AIG1: variants seen among roughly 807,000 people sequenced by gnomAD.
AIG1 encodes the protein androgen induced 1, also known as androgen-induced gene 1 protein.
A neutral mutation model predicts 31.4 loss-of-function variants in AIG1; 23 were observed. The ratio of observed to expected loss-of-function variants is 0.73; its 90% CI spans 0.53 to 1.04. The LOEUF (loss-of-function observed/expected upper bound fraction) is 1.04, where lower values mean the gene tolerates loss of function less well. Among genes scored for constraint, AIG1 ranks in the 50% least tolerant of loss-of-function variants. The probability of loss-of-function intolerance (pLI) is 0.00; values close to 1 mark genes in which losing one functional copy is unlikely to be tolerated. For missense variants in AIG1, 274 were observed against 295.0 expected (o/e 0.93, Z 0.52); for synonymous variants, 100 against 110.5 (o/e 0.90, Z 0.60).
intron 3 of AIG1, among the ~76,000 whole-genome samples, chr6:143,175,284 A>G (rs1187580787): frequency 6.6e-6 from 1 of 152,122 alleles, no homozygotes; most frequent in Non-Finnish European, 1.5e-5. Context: ...ATATGCCTAG[A>G]CTGTGATCTT....
At chr6:143,307,747 A>G (rs1170448521) in intron 4 of AIG1, among the ~76,000 whole-genome samples, 2 of 152,178 alleles carry the variant, frequency 1.3e-5, no homozygotes, top group Non-Finnish European at 2.9e-5. Context: ...AGACAGGGAC[A>G]TTTAAGTCTG....
At position 143,340,265 on chromosome 6, in the gene AIG1, A is replaced by G. The variant is rs1777801855; in HGVS notation, c.*589A>G. ...GATTTAATCATGTGAAACTTTTCCT[A>G]GATGCAAATGCTGACTAATAAAGAC... On this transcript the variant is annotated 3_prime_UTR_variant, in exon 6 of 6. Transcript: ENST00000357847. 6.6e-6 allele frequency: 1 copy of G among 152,232 alleles called. No individual in the cohort carries two copies. Among genetic ancestry groups the G allele is most frequent in the Non-Finnish European group, 1.5e-5 (1 of 68,064 alleles). The allele number at this position is 152,232 out of a possible 1,614,324, so 9.4% of individuals were successfully genotyped here.
At chr6:143,072,943 G>C (rs1777425913) in intron 1 of AIG1, among the ~76,000 whole-genome samples, 1 of 152,148 alleles carries the variant, frequency 6.6e-6, no homozygotes, top group South Asian at 2.1e-4. Context: ...ATTACATAGA[G>C]TCCTCATTTT....
At chr6:143,095,007 T>C (rs1166108184) in intron 1 of AIG1, among the ~76,000 whole-genome samples, 1 of 151,968 alleles carries the variant, frequency 6.6e-6, no homozygotes, top group Non-Finnish European at 1.5e-5. Flanking sequence ...TGAAATGAGG[T>C]TAGTTGCAAG....
intron 3 of AIG1, among the ~76,000 whole-genome samples, chr6:143,167,806 A>G (rs1378777744): frequency 1.3e-5 from 2 of 152,208 alleles, no homozygotes; most frequent in Non-Finnish European, 2.9e-5. Flanking sequence ...TATGAGTTCA[A>G]TAGATTCTTT....
chr6:143,134,506 A>T (rs1162463902), intron 1 of AIG1, among the ~76,000 whole-genome samples: 1 of 151,474 alleles, frequency 6.6e-6, no homozygotes, highest in Non-Finnish European at 1.5e-5. Flanking sequence ...GTCAACTATT[A>T]AGAAACATAG....
chr6:143,090,895 A>G (rs1284074488), intron 1 of AIG1, among the ~76,000 whole-genome samples: 1 of 151,544 alleles, frequency 6.6e-6, no homozygotes, highest in African/African-American at 2.4e-5. Flanking sequence ...GTACCGTGCA[A>G]TGCTTGGTAG....
chr6:143,179,801 G>A (rs1788552330), intron 3 of AIG1, among the ~76,000 whole-genome samples: 1 of 152,090 alleles, frequency 6.6e-6, no homozygotes, highest in Non-Finnish European at 1.5e-5. Context: ...GAGAATTATT[G>A]TTTTAATTTA....
chr6:143,278,660 G>A (rs1337401379), intron 3 of AIG1, among the ~76,000 whole-genome samples: 1 of 151,658 alleles, frequency 6.6e-6, no homozygotes, highest in Admixed American at 6.6e-5. Flanking sequence ...GTAGAGACGG[G>A]GTTTCGCCAA....
intron 4 of AIG1, among the ~76,000 whole-genome samples, chr6:143,300,182 A>G (rs1337145279): frequency 6.6e-6 from 1 of 152,180 alleles, no homozygotes; most frequent in Non-Finnish European, 1.5e-5. Flanking sequence ...AGGACTGGGG[A>G]CCAATGAGCA....
intron 4 of AIG1, among the ~76,000 whole-genome samples, chr6:143,303,970 T>C (rs559795212): frequency 3.9e-4 from 58 of 146,904 alleles, no homozygotes; most frequent in African/African-American, 1.2e-3. Flanking sequence ...TCCTAGGTAT[T>C]TTATTCTCTT....
intron 3 of AIG1, among the ~76,000 whole-genome samples, chr6:143,257,356 C>G (rs1562530920): frequency 6.6e-6 from 1 of 150,898 alleles, no homozygotes; most frequent in African/African-American, 2.4e-5. Context: ...AAAACAAAAA[C>G]AAAAAAAAAT....
intron 2 of AIG1, among the ~76,000 whole-genome samples, chr6:143,150,401 G>A (rs1244869017): frequency 6.6e-6 from 1 of 152,136 alleles, no homozygotes. Context: ...TATATATTGA[G>A]TGCTAAGTGC....
rs1428099873 is a variant in AIG1 at position 143,340,709 on chromosome 6, G to A, written c.*1033G>A. On this transcript the variant is annotated 3_prime_UTR_variant, in exon 6 of 6. Coordinates refer to ENST00000357847, the MANE Select transcript of AIG1 (RefSeq NM_016108.4). ...GATCTCCTGACCTTGTGATCCACACGCCTCGGCCTCCCAAAGTGCTGGGAT... is the reference window on the plus strand; with the variant it reads ...GATCTCCTGACCTTGTGATCCACACACCTCGGCCTCCCAAAGTGCTGGGAT... Among the ~76,000 whole-genome samples, 3 of 151,962 alleles carry A rather than the reference G, an allele frequency of 2.0e-5. No homozygotes were observed. The highest frequency in any genetic ancestry group is 2.9e-5 in the Non-Finnish European group (2 of 67,998).
At chr6:143,155,489 A>C (rs925914360) in intron 2 of AIG1, among the ~76,000 whole-genome samples, 33 of 151,962 alleles carry the variant, frequency 2.2e-4, no homozygotes, top group Non-Finnish European at 3.8e-4. Flanking sequence ...GGGGACCTGG[A>C]GGGTGAAAGA....
chr6:143,283,801 G>T (rs902146124), intron 3 of AIG1, among the ~76,000 whole-genome samples: 2 of 152,194 alleles, frequency 1.3e-5, no homozygotes, highest in African/African-American at 4.8e-5. Context: ...AATGTTAACA[G>T]TGGTGATTGT....
Position 143,327,350 on chromosome 6 carries a change from T to C in AIG1, c.516-5932T>C, listed in dbSNP as rs1776691721. The C allele has an allele frequency of 3.9e-6, 1 of 258,988 alleles. No homozygotes were observed. Among genetic ancestry groups the C allele is most frequent in the Non-Finnish European group, 7.6e-6 (1 of 131,208 alleles). 16.0% of individuals were successfully genotyped at this position (258,988 alleles called of 1,614,324 possible). On this transcript the variant is annotated intron_variant, in intron 4 of 5. Transcript: ENST00000357847. The surrounding 1 kb of genome is among the most constrained non-coding windows in gnomAD (Gnocchi z 5.3). Reference sequence around the variant, plus strand: ...AACAAGGTGGTGACCTCGTTGATGATACACCATCAACATTCACAAGCGCGT... The same window carrying C: ...AACAAGGTGGTGACCTCGTTGATGACACACCATCAACATTCACAAGCGCGT...
chr6:143,296,788 A>G (rs1798456960), intron 4 of AIG1, among the ~76,000 whole-genome samples: 1 of 152,232 alleles, frequency 6.6e-6, no homozygotes, highest in Admixed American at 6.5e-5. Flanking sequence ...TTGACTTTGT[A>G]CATGTAAGTA....
chr6:143,293,035 T>G lies in AIG1; in HGVS notation c.515+8810T>G, dbSNP rs1446778465. On this transcript the variant is annotated intron_variant, in intron 4 of 5. Coordinates refer to ENST00000357847, the MANE Select transcript of AIG1 (RefSeq NM_016108.4). The surrounding 1 kb of genome is among the most constrained non-coding windows in gnomAD (Gnocchi z 4.8). ...ATTACTTATCCTCTCTTAGCCTCAT[T>G]GTTACCACCTTTAAAATGGGAAAGA... 2.0e-5 allele frequency among the ~76,000 whole-genome samples: 3 copies of G among 152,150 alleles called. No homozygotes were observed.
Sources: gnomAD v4.1 joint callset for allele counts (sites outside exome capture counted in the v4.1 genomes callset) on GRCh38, gnomAD v4.1.1 for gene constraint, Gnocchi (gnomAD v3.1) non-coding constraint, MANE v1.5 for transcripts, NCBI Gene and HGNC (gene_info 2026-07-23, HGNC 2026-07-21) for gene names.